The following ERC2 variants were observed in gnomAD, a reference collection of about 807,000 sequenced individuals.
ERC2 encodes the protein ERC protein 2.
Under a neutral mutation model 114.8 loss-of-function variants are expected in ERC2, and 42 were observed. The ratio of observed to expected loss-of-function variants is 0.37; its 90% CI spans 0.29 to 0.47. The LOEUF (loss-of-function observed/expected upper bound fraction) is 0.47. Ranked by LOEUF, ERC2 falls within the 20% of genes least tolerant of loss-of-function variation. The pLI, the probability that ERC2 is intolerant of heterozygous loss-of-function variation, is 0.99. For missense variants in ERC2, 939 were observed against 1,150.7 expected (o/e 0.82, Z 2.66); for synonymous variants, 454 against 425.5 (o/e 1.07, Z -0.82).
chr3:56,173,599 G>A, intron 3 of ERC2, 79 bp from the exon 4 acceptor site: 2 of 1,358,764 alleles, frequency 1.5e-6, no homozygotes, highest in Non-Finnish European at 2.1e-6. Context: ...GTACTACACA[G>A]CCTGCTGGGT....
intron 7 of ERC2, among the ~76,000 whole-genome samples, chr3:56,032,424 T>C (rs2074427573): frequency 6.6e-6 from 1 of 152,040 alleles, no homozygotes; most frequent in South Asian, 2.1e-4. Flanking sequence ...AAGCAATATA[T>C]GCATTATGTG....
intron 14 of ERC2, among the ~76,000 whole-genome samples, chr3:55,798,261 A>T (rs946560860): frequency 6.6e-6 from 1 of 152,190 alleles, no homozygotes; most frequent in African/African-American, 2.4e-5. Context: ...ACATTGCAGT[A>T]AGACCACAGA....
At chr3:55,693,116 C>G (rs962438496) in intron 16 of ERC2, among the ~76,000 whole-genome samples, 1 of 152,124 alleles carries the variant, frequency 6.6e-6, no homozygotes, top group African/African-American at 2.4e-5. Context: ...GAGAAAGCAC[C>G]AAGGATTACT....
intron 3 of ERC2, among the ~76,000 whole-genome samples, chr3:56,264,618 G>A (rs1364272759): frequency 1.4e-5 from 2 of 147,620 alleles, no homozygotes; most frequent in Non-Finnish European, 3.0e-5. Context: ...AAATCAATAA[G>A]GCAAGAACAA....
intron 13 of ERC2, among the ~76,000 whole-genome samples, chr3:55,900,705 A>G (rs1285051160): frequency 6.6e-6 from 1 of 152,176 alleles, no homozygotes; most frequent in Non-Finnish European, 1.5e-5. Context: ...TTTTAAGCAC[A>G]CAGAGTCCAA....
intron 10 of ERC2, among the ~76,000 whole-genome samples, chr3:56,001,208 A>G (rs2072028070): frequency 6.6e-6 from 1 of 152,082 alleles, no homozygotes; most frequent in Non-Finnish European, 1.5e-5. Context: ...CAACAAAAAG[A>G]TGTCTAGGTG....
intron 17 of ERC2, among the ~76,000 whole-genome samples, chr3:55,652,318 G>A (rs200825509): frequency 3.3e-5 from 5 of 152,186 alleles, no homozygotes; most frequent in Admixed American, 6.5e-5. Context: ...GTTGACTATT[G>A]ACTTTTGACA....
chr3:56,204,588 T>G (rs1433981686), intron 3 of ERC2, among the ~76,000 whole-genome samples: 1 of 151,730 alleles, frequency 6.6e-6, no homozygotes, highest in African/African-American at 2.4e-5. Flanking sequence ...ACTGCAACTC[T>G]GCCTCTTGGG....
chr3:55,550,347 T>G (rs2055081229), intron 17 of ERC2, among the ~76,000 whole-genome samples: 1 of 152,194 alleles, frequency 6.6e-6, no homozygotes, highest in Admixed American at 6.5e-5. Context: ...TTATCTCACT[T>G]AGTTCCATCT....
At chr3:55,929,608 G>A (rs1007732651) in intron 13 of ERC2, among the ~76,000 whole-genome samples, 1 of 152,186 alleles carries the variant, frequency 6.6e-6, no homozygotes, top group Non-Finnish European at 1.5e-5. Context: ...AAATTACAAA[G>A]GAAGGTGATA....
At chr3:55,580,957 G>C (rs936631352) in intron 17 of ERC2, among the ~76,000 whole-genome samples, 2 of 152,176 alleles carry the variant, frequency 1.3e-5, no homozygotes, top group Non-Finnish European at 2.9e-5. Flanking sequence ...ATACTTGAAC[G>C]AAGGCTTGAA....
At chr3:56,219,674 G>A (rs943162281) in intron 3 of ERC2, among the ~76,000 whole-genome samples, 45 of 123,066 alleles carry the variant, frequency 3.7e-4, no homozygotes, top group Non-Finnish European at 5.4e-4. Flanking sequence ...GCTCAAGTGC[G>A]AAAAAAAAAA....
At chr3:56,088,443 T>C (rs1012005191) in intron 6 of ERC2, among the ~76,000 whole-genome samples, 1 of 152,086 alleles carries the variant, frequency 6.6e-6, no homozygotes, top group East Asian at 1.9e-4. Flanking sequence ...ACTTCCCTTC[T>C]CCTTTCATCC....
At chr3:56,329,947 CATAT>C (rs912572933) in intron 2 of ERC2, among the ~76,000 whole-genome samples, 1 of 150,702 alleles carries the variant, frequency 6.6e-6, no homozygotes, top group African/African-American at 2.4e-5. Flanking sequence ...TTCAAATATA[CATAT>C]ATATTTCCAA....
chr3:56,315,567 G>A (rs1168846741), intron 2 of ERC2, among the ~76,000 whole-genome samples: 3 of 152,092 alleles, frequency 2.0e-5, no homozygotes, highest in Non-Finnish European at 4.4e-5. Context: ...ACCCATGTAT[G>A]CATTCCTAAG....
intron 14 of ERC2, among the ~76,000 whole-genome samples, chr3:55,790,334 C>T (rs972453747): frequency 6.6e-5 from 10 of 152,122 alleles, no homozygotes; most frequent in East Asian, 1.9e-4. Context: ...AGCGCTTCCC[C>T]GAGGGCCCCT....
At chr3:55,791,701 A>G (rs2070041995) in intron 14 of ERC2, among the ~76,000 whole-genome samples, 1 of 152,220 alleles carries the variant, frequency 6.6e-6, no homozygotes, top group African/African-American at 2.4e-5. Context: ...GTAGTCAAAA[A>G]CAGTGAAATT....
chr3:55,591,819 T>A (rs1321127344), intron 17 of ERC2, among the ~76,000 whole-genome samples: 1 of 152,162 alleles, frequency 6.6e-6, no homozygotes, highest in Non-Finnish European at 1.5e-5. Context: ...TTTTTCCCAT[T>A]TCACCAATGA....
intron 2 of ERC2, 49 bp downstream of exon 2, chr3:56,434,302 C>T: frequency 6.4e-7 from 1 of 1,562,022 alleles, no homozygotes; most frequent in Non-Finnish European, 8.7e-7. Context: ...GCATCAACTA[C>T]TCAGTGAGAA....
Sources: gnomAD v4.1 joint callset for allele counts (sites outside exome capture counted in the v4.1 genomes callset) on GRCh38, gnomAD v4.1.1 for gene constraint, MANE v1.5 for transcripts, NCBI Gene and HGNC (gene_info 2026-07-23, HGNC 2026-07-21) for gene names.